Variants in MPP1 observed in about 807,000 individuals in gnomAD.
MPP1 encodes 55 kDa erythrocyte membrane protein.
Under a neutral mutation model 38.2 loss-of-function variants are expected in MPP1, and 6 were observed. The ratio of observed to expected loss-of-function variants is 0.16; its 90% CI spans 0.09 to 0.31. The LOEUF (loss-of-function observed/expected upper bound fraction) is 0.31. MPP1 is among the 10% of genes least tolerant of loss of function. The pLI is 1.00. For synonymous variants in MPP1, 153 were observed against 146.3 expected, an observed-to-expected ratio of 1.05 and a Z score of -0.33; for missense variants, 293 against 368.9, an observed-to-expected ratio of 0.79 and a Z score of 1.69.
chrX:154,779,499 T>A, intron 11 of MPP1, 146 bp from the exon 12 acceptor site: 1 of 550,010 alleles, frequency 1.8e-6, no homozygotes, highest in East Asian at 3.7e-5. Flanking sequence ...TGTGAAAGAA[T>A]GTTAATGTAG....
At chrX:154,788,360 T>G (rs974853009) in intron 5 of MPP1, among the ~76,000 whole-genome samples, 14 of 111,732 alleles carry the variant, frequency 1.3e-4, no homozygotes, top group Non-Finnish European at 2.6e-4. Context: ...AATTGGTATC[T>G]TACAAAAGAG....
Position 154,801,758 on chromosome X carries a change from C to CAAAAAAAAAAAAAAAAAAAAAAAAAAAA in MPP1, c.102+3486_102+3513dup, listed in dbSNP as rs781902044. ...TGGGTGACAGAGCAAAACTCTGTCT[C>CAAAAAAAAAAAAAAAAAAAAAAAAAAAA]AAAAAAAAAAAAAAAAAAAAAAAAA... On this transcript the variant is annotated intron_variant, in intron 1 of 11. Coordinates refer to ENST00000369534, the MANE Select transcript of MPP1 (RefSeq NM_002436.4). 2.9e-4 allele frequency among the ~76,000 whole-genome samples: 2 copies of CAAAAAAAAAAAAAAAAAAAAAAAAAAAA among 6,851 alleles called. 1 individual carries two copies. The highest frequency in any genetic ancestry group is 1.3e-3 in the African/African-American group (2 of 1,563). 5.9% of individuals were successfully genotyped at this position (6,851 alleles called of 115,157 possible).
At chrX:154,793,721 T>C (rs951819977) in intron 1 of MPP1, among the ~76,000 whole-genome samples, 1 of 112,159 alleles carries the variant, frequency 8.9e-6, no homozygotes. Flanking sequence ...TTCATTCTCC[T>C]TTACCCATAG....
chrX:154,794,580 T>G (rs1361019012), intron 1 of MPP1, among the ~76,000 whole-genome samples: 2 of 110,866 alleles, frequency 1.8e-5, no homozygotes, highest in Admixed American at 1.9e-4. Context: ...TCAAAGACAG[T>G]AGGGAGGGAA....
At chrX:154,799,498 T>C (rs193166383) in intron 1 of MPP1, among the ~76,000 whole-genome samples, 28 of 112,492 alleles carry the variant, frequency 2.5e-4, no homozygotes, top group African/African-American at 9.0e-4. Flanking sequence ...TATGCAGACA[T>C]ATACTGTCAG....
rs1462355260 is a variant in MPP1 at position 154,791,708 on chromosome X, T to C, written c.325+61A>G. 8 of 1,039,125 alleles carry C rather than the reference T, an allele frequency of 7.7e-6. No individual in the cohort carries two copies. In the African/African-American group the frequency reaches 1.3e-4, roughly 17 times the overall value. 85.6% of individuals were successfully genotyped at this position (1,039,125 alleles called of 1,213,427 possible). The stretch of plus-strand genomic sequence containing the variant: ...TTATAAGCTTCATGCCCCACACCAC[T>C]GAACAGGGAGTAAATTATTAATCCC... On this transcript the variant is annotated intron_variant, in intron 3 of 11. Coordinates refer to ENST00000369534, the MANE Select transcript of MPP1 (RefSeq NM_002436.4).
At chrX:154,804,635 C>T (rs1603430455) in intron 1 of MPP1, 1 of 326,621 alleles carries the variant, frequency 3.1e-6, no homozygotes, top group East Asian at 9.9e-5. Context: ...CAAGAAAATG[C>T]TCAGTGTTGT....
chrX:154,782,018 C>A (rs2072013785), intron 9 of MPP1: 4 of 344,722 alleles, frequency 1.2e-5, no homozygotes, highest in Non-Finnish European at 2.0e-5. Flanking sequence ...TTTTAAGGGG[C>A]AAAGCCTAAC....
chrX:154,786,171 C>T (rs782064666), intron 6 of MPP1, 33 bp downstream of exon 6: 6 of 1,156,779 alleles, frequency 5.2e-6, no homozygotes, highest in Admixed American at 2.3e-5. Flanking sequence ...GTGGCAGGCA[C>T]ATGGCCCTTC....
intron 1 of MPP1, 46 bp from the exon 2 acceptor site, chrX:154,792,331 G>A: frequency 8.6e-7 from 1 of 1,157,478 alleles, no homozygotes; most frequent in Non-Finnish European, 1.2e-6. Context: ...CAGGAGCAAG[G>A]CCCACAGCCA....
At chrX:154,782,824 C>G (rs1439766809) in intron 9 of MPP1, 2 of 112,434 alleles carry the variant, frequency 1.8e-5, no homozygotes, top group Non-Finnish European at 3.8e-5. Flanking sequence ...AAGTCACAGT[C>G]TTCGAAGAGC....
At chrX:154,781,369 GA>G (rs57003686) in intron 10 of MPP1, 56 bp from the exon 11 acceptor site, 34,575 of 688,290 alleles carry the variant, frequency 0.05, 413 homozygotes, top group Middle Eastern at 0.089. Context: ...AAAGGAAAGT[GA>G]AAAAAAAAAA....
At chrX:154,784,812 G>A (rs2072049680) in intron 7 of MPP1, 1 of 451,983 alleles carries the variant, frequency 2.2e-6, no homozygotes, top group Non-Finnish European at 4.1e-6. Context: ...TCTGTGTGAG[G>A]GGTGGGGTGA....
chrX:154,795,853 C>T (rs1408590491), intron 1 of MPP1, among the ~76,000 whole-genome samples: 3 of 111,969 alleles, frequency 2.7e-5, no homozygotes, highest in Non-Finnish European at 5.6e-5. Flanking sequence ...AACTGGGTGG[C>T]TATAAGATGG....
chrX:154,790,365 C>G (rs1350241171), intron 4 of MPP1, among the ~76,000 whole-genome samples: 1 of 110,117 alleles, frequency 9.1e-6, no homozygotes, highest in Non-Finnish European at 1.9e-5. Flanking sequence ...AACCCTGTCT[C>G]TACTAAAAAT....
chrX:154,781,450 T>C (rs1403582986), intron 10 of MPP1, 137 bp from the exon 11 acceptor site: 2 of 777,856 alleles, frequency 2.6e-6, no homozygotes, highest in Admixed American at 5.4e-5. Context: ...CAACTTTCCA[T>C]CATTCCCAGT....
intron 1 of MPP1, chrX:154,804,886 A>C (rs1366360552): frequency 1.7e-5 from 6 of 355,454 alleles, no homozygotes; most frequent in Non-Finnish European, 3.3e-5. Flanking sequence ...TTTTACAATC[A>C]TTTCTGCTGA....
chrX:154,786,249 G>A lies in MPP1; in HGVS notation c.632C>T (p.Ser211Phe). 1 of 1,211,722 alleles carries A rather than the reference G, an allele frequency of 8.3e-7. No homozygotes were observed. The highest frequency in any genetic ancestry group is 2.2e-5 in the Admixed American group (1 of 46,098). ...NWWQGRVEGS[S>F]KESAGLIPSP... ...AGGGATCAATCCTGCTGACTCCTTG[G>A]AGGAGCCTTCCACCCGTCCCTGCCA... The change falls in exon 6 of 12, where the codon TCC becomes TTC. Residue 211 changes from serine to phenylalanine, a missense_variant. Ser to Phe is a radical substitution (Grantham distance 155, BLOSUM62 -2). Transcript: ENST00000369534.
intron 1 of MPP1, chrX:154,799,696 T>C: frequency 8.9e-7 from 1 of 1,126,994 alleles, no homozygotes; most frequent in Non-Finnish European, 1.2e-6. Flanking sequence ...AGTGGCTCTG[T>C]TAAGGATGAC....
Sources: allele counts gnomAD v4.1 joint callset (sites outside exome capture counted in the v4.1 genomes callset), GRCh38; gene constraint gnomAD v4.1.1; transcripts MANE v1.5; gene names NCBI Gene and HGNC (gene_info 2026-07-23, HGNC 2026-07-21).